Variants in KLHL25 observed in about 807,000 individuals in gnomAD.
KLHL25 encodes kelch like family member 25, also known as kelch-like protein 25.
Under a neutral mutation model 30.0 loss-of-function variants are expected in KLHL25, and 41 were observed. The ratio of observed to expected loss-of-function variants is 1.37; its 90% confidence interval spans 1.07 to 1.78. The LOEUF is 1.78. Among genes scored for constraint, KLHL25 ranks in the 40% most tolerant of loss-of-function variants. The pLI is 0.00. For missense variants in KLHL25, 971 were observed against 824.5 expected (o/e 1.18, Z -2.18); for synonymous variants, 399 against 355.3 (o/e 1.12, Z -1.38).
At chr15:85,764,867 G>C (rs2089608855) in intron 2 of KLHL25, among the ~76,000 whole-genome samples, 1 of 152,256 alleles carries the variant, frequency 6.6e-6, no homozygotes, top group Non-Finnish European at 1.5e-5. Flanking sequence ...TTGTCCAGAT[G>C]GGGAAGCTGA....
In KLHL25 at chr15:85,769,262, C is replaced by G. The variant is rs781035877; in HGVS notation, c.549G>C (p.Glu183Asp). The G allele has an allele frequency of 1.2e-6, 2 of 1,613,912 alleles. No homozygotes were observed. Among genetic ancestry groups the G allele is most frequent in the Admixed American group, 1.7e-5 (1 of 60,032 alleles). The change falls in exon 2 of 3, where the codon GAG becomes GAC. Residue 183 changes from glutamate (E) to aspartate (D), a missense_variant. Coordinates refer to ENST00000337975, the MANE Select transcript of KLHL25 (RefSeq NM_022480.4). ...TGTCCTTGGACAGGCTGTTGAAGTC[C>G]TCGCTCTGCCTCACCGTCTCAAAGT... ...LVHFETVRQS[E>D]DFNSLSKDTL...
In KLHL25 at chr15:85,768,641, G is replaced by A. The variant is rs2089642352; in HGVS notation, c.1170C>T (p.Leu390=). 3 of 1,613,020 alleles carry A rather than the reference G, an allele frequency of 1.9e-6. No homozygotes were observed. The highest frequency in any genetic ancestry group is 2.2e-5 in the East Asian group (1 of 44,840). Residue 390 remains leucine, a synonymous_variant, in exon 2 of 3, where the codon CTC becomes CTT. Coordinates refer to ENST00000337975, the MANE Select transcript of KLHL25 (RefSeq NM_022480.4). ...GGGATGTGTGTCCCCCCACCACATAGAGGCAGTTCTCCAGCTCAGCTGAGC... is the reference window on the plus strand; with the variant it reads ...GGGATGTGTGTCCCCCCACCACATAAAGGCAGTTCTCCAGCTCAGCTGAGC... ...GHGSAELENC[L]YVVGGHTSLA...
rs2089575514 is a variant in KLHL25 at position 85,760,608 on chromosome 15, C to A, written c.*428G>T. ...AGATGGCAGTAGAGCCCCAGCAGGG[C>A]AGGCCAGGAGGGAAAGGATGTGTGG... On this transcript the variant is annotated 3_prime_UTR_variant, in exon 3 of 3. Transcript: ENST00000337975. The A allele has an allele frequency of 6.6e-6, 1 of 152,314 alleles. No homozygotes were observed. Among genetic ancestry groups the A allele is most frequent in the African/African-American group, 2.4e-5 (1 of 41,474 alleles). The allele number at this position is 152,314 out of a possible 1,614,324, so 9.4% of individuals were successfully genotyped here. A position where few individuals can be genotyped will look rare whatever the true frequency, so the allele number is the denominator to read the frequency against.
Position 85,769,100 on chromosome 15 carries a change from A to G in KLHL25, c.711T>C (p.Arg237=). The G allele has an allele frequency of 6.2e-7, 1 of 1,606,956 alleles. No individual in the cohort carries two copies. The highest frequency in any genetic ancestry group is 1.1e-5 in the South Asian group (1 of 90,906). The change falls in exon 2 of 3, where the codon CGT becomes CGC. Residue 237 remains arginine, a synonymous_variant. Transcript: ENST00000337975. ...VHLPELLRSV[R]LALLPSDCLQ... is the part of the protein sequence containing the mutation. The stretch of plus-strand genomic sequence containing the variant: ...GGCAGTCGGACGGCAGCAAGGCCAG[A>G]CGCACGCTGCGGAGGAGCTCGGGCA...
intron 1 of KLHL25, among the ~76,000 whole-genome samples, chr15:85,786,051 A>G (rs1405580219): frequency 6.7e-6 from 1 of 149,250 alleles, no homozygotes; most frequent in African/African-American, 2.5e-5. Context: ...CAACTCTCAG[A>G]ATCAGGAGGT....
intron 1 of KLHL25, among the ~76,000 whole-genome samples, chr15:85,772,092 C>A (rs2089679266): frequency 6.6e-6 from 1 of 152,214 alleles, no homozygotes; most frequent in African/African-American, 2.4e-5. Flanking sequence ...GGTGATCAGA[C>A]AATTTCCCAA....
chr15:85,763,191 T>TC (rs1395664241), intron 2 of KLHL25: 1 of 152,294 alleles, frequency 6.6e-6, no homozygotes, highest in African/African-American at 2.4e-5. Flanking sequence ...CTGGCTGCTA[T>TC]CCCCTAGGCT....
intron 1 of KLHL25, among the ~76,000 whole-genome samples, chr15:85,772,506 A>T (rs1163372204): frequency 1.3e-5 from 2 of 152,222 alleles, no homozygotes; most frequent in Non-Finnish European, 2.9e-5. Flanking sequence ...CTTCTTACAG[A>T]CAGCCCCAGC....
chr15:85,766,789 C>A (rs2614658), intron 2 of KLHL25, among the ~76,000 whole-genome samples: 61,719 of 152,068 alleles, frequency 0.41, 13,496 homozygotes, highest in East Asian at 0.76. Context: ...TCAAGGATGA[C>A]CTCGCTTAAG....
At chr15:85,794,491 G>A (rs555742084) in intron 1 of KLHL25, among the ~76,000 whole-genome samples, 20 of 152,206 alleles carry the variant, frequency 1.3e-4, no homozygotes, top group African/African-American at 4.8e-4. Flanking sequence ...CGGCTCCCGC[G>A]CGCAACATCC....
chr15:85,792,039 G>A (rs1300175790), intron 1 of KLHL25, among the ~76,000 whole-genome samples: 1 of 152,220 alleles, frequency 6.6e-6, no homozygotes, highest in Non-Finnish European at 1.5e-5. Flanking sequence ...CCTGGAGGCA[G>A]TATGGGATGA....
chr15:85,788,388 T>C (rs1487284439), intron 1 of KLHL25, among the ~76,000 whole-genome samples: 1 of 152,174 alleles, frequency 6.6e-6, no homozygotes, highest in Non-Finnish European at 1.5e-5. Context: ...CCCTGTCCAC[T>C]TCCTCTGCAG....
At position 85,768,989 on chromosome 15, in the gene KLHL25, G is replaced by T. The variant is rs145532958; in HGVS notation, c.822C>A (p.Thr274=). The change falls in exon 2 of 3, where the codon ACC becomes ACA. Residue 274 remains threonine, a synonymous_variant. Coordinates refer to ENST00000337975, the MANE Select transcript of KLHL25 (RefSeq NM_022480.4). ...CCACGCCATCATTCTGCAGGATCCT[G>T]GTCTTGCAGCGCAGGGCCTCATCCA... is the stretch of plus-strand genomic sequence containing the variant. ...LIMDEALRCK[T]RILQNDGVVT... 6.2e-7 allele frequency: 1 copy of T among 1,612,516 alleles called. No individual in the cohort carries two copies.
At chr15:85,767,995 C>G (rs2089635582) in intron 2 of KLHL25, 22 bp downstream of exon 2, 1 of 1,505,594 alleles carries the variant, frequency 6.6e-7, no homozygotes, top group Non-Finnish European at 9.1e-7. Flanking sequence ...CCCAGAGTGG[C>G]CGTGGGCTGC....
intron 1 of KLHL25, among the ~76,000 whole-genome samples, chr15:85,773,217 G>A (rs1255172700): frequency 6.6e-6 from 1 of 152,138 alleles, no homozygotes; most frequent in Non-Finnish European, 1.5e-5. Context: ...TCCCGGCACA[G>A]AGGTCACTTG....
intron 2 of KLHL25, among the ~76,000 whole-genome samples, chr15:85,766,003 G>C (rs1452008470): frequency 1.3e-5 from 2 of 152,174 alleles, no homozygotes; most frequent in Non-Finnish European, 2.9e-5. Flanking sequence ...GGCTTGGCTG[G>C]ATCTGAGTTA....
chr15:85,777,949 T>A (rs2089720214), intron 1 of KLHL25, among the ~76,000 whole-genome samples: 1 of 152,216 alleles, frequency 6.6e-6, no homozygotes, highest in Non-Finnish European at 1.5e-5. Context: ...CATACAAAAT[T>A]TAATCCTCAC....
At chr15:85,773,064 C>T (rs966402278) in intron 1 of KLHL25, among the ~76,000 whole-genome samples, 7 of 152,354 alleles carry the variant, frequency 4.6e-5, no homozygotes, top group Non-Finnish European at 8.8e-5. Context: ...GCACTGGAGC[C>T]CCACTTTACA....
chr15:85,776,900 G>A (rs1452965044), intron 1 of KLHL25, among the ~76,000 whole-genome samples: 1 of 151,908 alleles, frequency 6.6e-6, no homozygotes, highest in African/African-American at 2.4e-5. Context: ...ACTCCAGCCT[G>A]GGGGACACAG....
Sources: allele counts gnomAD v4.1 joint callset (sites outside exome capture counted in the v4.1 genomes callset), GRCh38; gene constraint gnomAD v4.1.1; transcripts MANE v1.5; gene names NCBI Gene and HGNC (gene_info 2026-07-23, HGNC 2026-07-21).